BCAS3: variants seen among roughly 807,000 people sequenced by gnomAD.
The protein encoded by BCAS3 is BCAS4/BCAS3 fusion.
Under a neutral mutation model 116.1 loss-of-function variants are expected in BCAS3, and 53 were observed. The ratio of observed to expected loss-of-function variants is 0.46; its 90% confidence interval spans 0.37 to 0.57. The LOEUF is 0.57. Ranked by LOEUF, BCAS3 falls within the 20% of genes least tolerant of loss-of-function variation. The pLI is 0.00. For synonymous variants in BCAS3, 391 were observed against 408.2 expected (o/e 0.96, Z 0.51); for missense variants, 917 against 1,165.4 (o/e 0.79, Z 3.10).
Position 60,967,957 on chromosome 17 carries a change from T to G in BCAS3, c.1221+20605T>G, listed in dbSNP as rs2061747200. Among the ~76,000 whole-genome samples the G allele has an allele frequency of 6.6e-6, 1 of 152,022 alleles. No individual in the cohort carries two copies. The highest frequency in any genetic ancestry group is 1.5e-5 in the Non-Finnish European group (1 of 68,010). On this transcript the variant is annotated intron_variant, in intron 14 of 23. Transcript: ENST00000407086. This position sits in a 1 kb window ranked among gnomAD's most constrained non-coding sequence, Gnocchi z 4.7. ...AATTGCTTTTCTGTGTGTTTGTTGT[T>G]GTTGTTGTTGTTGTTGTTGTTTTGG... is the stretch of plus-strand genomic sequence containing the variant.
At chr17:60,696,138 C>G (rs1022872961) in intron 4 of BCAS3, among the ~76,000 whole-genome samples, 8 of 152,190 alleles carry the variant, frequency 5.3e-5, no homozygotes, top group African/African-American at 1.9e-4. Flanking sequence ...ATGGCTCAGT[C>G]TGAGTCACTC....
chr17:61,255,396 CT>C (rs1387328869), intron 22 of BCAS3, among the ~76,000 whole-genome samples: 2 of 152,226 alleles, frequency 1.3e-5, no homozygotes, highest in African/African-American at 4.8e-5. Context: ...AATATACCTT[CT>C]TTAGTTTCCA....
chr17:60,798,163 C>T (rs9303423), intron 6 of BCAS3, among the ~76,000 whole-genome samples: 23,452 of 152,222 alleles, frequency 0.15, 2,469 homozygotes, highest in African/African-American at 0.3. Context: ...CCTACACTGA[C>T]ACATTATTAT....
intron 19 of BCAS3, among the ~76,000 whole-genome samples, chr17:61,052,621 G>A (rs2143208541): frequency 6.6e-6 from 1 of 151,834 alleles, no homozygotes; most frequent in Non-Finnish European, 1.5e-5. Context: ...ACTGTAACCT[G>A]ACTTCGAAGT....
intron 22 of BCAS3, among the ~76,000 whole-genome samples, chr17:61,283,803 A>G (rs943457485): frequency 6.6e-5 from 10 of 151,566 alleles, no homozygotes; most frequent in Non-Finnish European, 1.5e-4. Context: ...TTGCTCTGTC[A>G]CCCAGGTTGG....
intron 21 of BCAS3, among the ~76,000 whole-genome samples, chr17:61,079,267 A>G (rs2072323510): frequency 6.6e-6 from 1 of 152,210 alleles, no homozygotes; most frequent in South Asian, 2.1e-4. Flanking sequence ...TGAATATAAA[A>G]CAACCCTCTG....
intron 13 of BCAS3, among the ~76,000 whole-genome samples, chr17:60,932,081 T>A (rs572271304): frequency 5.3e-5 from 8 of 151,840 alleles, no homozygotes; most frequent in African/African-American, 1.7e-4. Context: ...TAAAAAAAAA[T>A]AAAAAATAAA....
intron 5 of BCAS3, among the ~76,000 whole-genome samples, chr17:60,713,392 G>A (rs1301539294): frequency 6.6e-6 from 1 of 152,128 alleles, no homozygotes; most frequent in South Asian, 2.1e-4. Flanking sequence ...GAGCATATAT[G>A]CTAGACAGTG....
Position 61,302,683 on chromosome 17 carries a change from A to AT in BCAS3, c.2426-65635dup, listed in dbSNP as rs1003776449. ...TGAGTGACAGAATTCTAGAATTCATATTTTTTTTTCAGCTTTGAAAGAACA... is the reference window on the plus strand; with the variant it reads ...TGAGTGACAGAATTCTAGAATTCATATTTTTTTTTTCAGCTTTGAAAGAACA... On this transcript the variant is annotated intron_variant, in intron 22 of 23. Coordinates refer to ENST00000407086, the MANE Select transcript of BCAS3 (RefSeq NM_017679.5). The surrounding 1 kb of genome is among the most constrained non-coding windows in gnomAD (Gnocchi z 4.4). Among the ~76,000 whole-genome samples, 3 of 151,402 alleles carry AT rather than the reference A, an allele frequency of 2.0e-5. No homozygotes were observed. Among genetic ancestry groups the AT allele is most frequent in the Non-Finnish European group, 4.4e-5 (3 of 67,828 alleles).
At chr17:60,812,774 C>T (rs796670912) in intron 7 of BCAS3, among the ~76,000 whole-genome samples, 5 of 152,212 alleles carry the variant, frequency 3.3e-5, no homozygotes, top group South Asian at 2.1e-4. Flanking sequence ...GAGTCTCCCT[C>T]GGTCACCCAG....
In BCAS3 at chr17:61,023,580, G is replaced by A. The variant is rs763511766; in HGVS notation, c.1637+7679G>A. On this transcript the variant is annotated intron_variant, in intron 16 of 23. Transcript: ENST00000407086. This position sits in a 1 kb window ranked among gnomAD's most constrained non-coding sequence, Gnocchi z 4.8. ...TTTTCTCATATTAAAAAAATTCTTC[G>A]TGTTTACCTTGTTTTCAGCTAGTAA... 2.6e-5 allele frequency among the ~76,000 whole-genome samples: 4 copies of A among 152,068 alleles called. No individual in the cohort carries two copies. Among genetic ancestry groups the A allele is most frequent in the Non-Finnish European group, 5.9e-5 (4 of 68,002 alleles).
chr17:61,179,640 T>C (rs76422431), intron 22 of BCAS3, among the ~76,000 whole-genome samples: 3,045 of 152,306 alleles, frequency 0.02, 31 homozygotes, highest in Non-Finnish European at 0.03. Context: ...ACCCTCTATC[T>C]CTTGCCTCTC....
chr17:60,687,841 T>G (rs2034288580), intron 3 of BCAS3, among the ~76,000 whole-genome samples: 1 of 152,078 alleles, frequency 6.6e-6, no homozygotes, highest in Non-Finnish European at 1.5e-5. Flanking sequence ...TCTCAAAAAT[T>G]CTGAGTAAAA....
chr17:60,910,700 C>CT lies in BCAS3; in HGVS notation c.991_992insT (p.Gln331LeufsTer6), dbSNP rs2058445178. Reference sequence around the variant, plus strand: ...TGACACCGAAACCGTTGGAGAGGGCCAGGTAAGAAGAACTTTTGGTGCGTA... The same window carrying CT: ...TGACACCGAAACCGTTGGAGAGGGCCTAGGTAAGAAGAACTTTTGGTGCGTA... On this transcript the variant is annotated frameshift_variant and splice_region_variant, in exon 12 of 24. Coordinates refer to ENST00000407086, the MANE Select transcript of BCAS3 (RefSeq NM_017679.5). LOFTEE classifies it high-confidence loss of function. The CT allele has an allele frequency of 6.2e-7, 1 of 1,601,334 alleles. No homozygotes were observed. Among genetic ancestry groups the CT allele is most frequent in the Admixed American group, 1.7e-5 (1 of 58,120 alleles).
rs557459090 is a variant in BCAS3, at chr17:61,227,711, C to T, written c.2426-140616C>T. Among the ~76,000 whole-genome samples the T allele has an allele frequency of 3.0e-4, 46 of 152,266 alleles. 1 individual carries two copies. The highest frequency in any genetic ancestry group is 1.1e-3 in the African/African-American group (44 of 41,550). Reference sequence around the variant, plus strand: ...ACACTCGGGAAAGTTCTTGCTACTCCGAAGGTGATTTTTAGAATCAGAAAC... The same window carrying T: ...ACACTCGGGAAAGTTCTTGCTACTCTGAAGGTGATTTTTAGAATCAGAAAC... On this transcript the variant is annotated intron_variant, in intron 22 of 23. Transcript: ENST00000407086. This position sits in a 1 kb window ranked among gnomAD's most constrained non-coding sequence, Gnocchi z 6.1.
chr17:61,127,463 A>C (rs2076103462), intron 22 of BCAS3, among the ~76,000 whole-genome samples: 1 of 152,038 alleles, frequency 6.6e-6, no homozygotes, highest in Non-Finnish European at 1.5e-5. Flanking sequence ...CATGAGCTAT[A>C]ATTGTGCTGT....
At chr17:61,299,442 C>CA (rs538072648) in intron 22 of BCAS3, among the ~76,000 whole-genome samples, 1,024 of 56,830 alleles carry the variant, frequency 0.018, 20 homozygotes, top group Non-Finnish European at 0.025. Flanking sequence ...GACTCCATCT[C>CA]AAAAAAAAAA....
In BCAS3 at chr17:61,208,037, G is replaced by T. The variant is rs2081247988; in HGVS notation, c.2425+123473G>T. On this transcript the variant is annotated intron_variant, in intron 22 of 23. Transcript: ENST00000407086. This position sits in a 1 kb window ranked among gnomAD's most constrained non-coding sequence, Gnocchi z 4.5. ...TATGGAAATAACAAAAAACTTAGGA[G>T]ATAATGTTGATCACATACCCTTTTT... 6.6e-6 allele frequency among the ~76,000 whole-genome samples: 1 copy of T among 152,122 alleles called. No homozygotes were observed. Among genetic ancestry groups the T allele is most frequent in the South Asian group, 2.1e-4 (1 of 4,824 alleles).
chr17:61,192,850 G>A (rs2080230230), intron 22 of BCAS3, among the ~76,000 whole-genome samples: 1 of 152,190 alleles, frequency 6.6e-6, no homozygotes, highest in Admixed American at 6.5e-5. Context: ...TACTTACATG[G>A]AATGAAAACC....
Sources: gnomAD v4.1 joint callset for allele counts (sites outside exome capture counted in the v4.1 genomes callset) on GRCh38, gnomAD v4.1.1 for gene constraint, Gnocchi (gnomAD v3.1) non-coding constraint, MANE v1.5 for transcripts, NCBI Gene and HGNC (gene_info 2026-07-23, HGNC 2026-07-21) for gene names.